FGF10: variants seen among roughly 807,000 people sequenced by gnomAD.
FGF10 encodes fibroblast growth factor 10, also known as FGF-10.
A neutral mutation model predicts 19.8 loss-of-function variants in FGF10; 2 were observed. The observed-to-expected ratio is 0.10, with a 90% CI of 0.04 to 0.32. The LOEUF (loss-of-function observed/expected upper bound fraction) is 0.32. Among genes scored for constraint, FGF10 ranks in the 10% least tolerant of loss-of-function variants. The pLI is 1.00. For missense variants in FGF10, 191 were observed against 246.3 expected, an observed-to-expected ratio of 0.78 and a Z score of 1.50; for synonymous variants, 112 against 94.0, an observed-to-expected ratio of 1.19 and a Z score of -1.10.
chr5:44,352,391 A>C (rs1741255764), intron 1 of FGF10, among the ~76,000 whole-genome samples: 1 of 151,584 alleles, frequency 6.6e-6, no homozygotes, highest in South Asian at 2.1e-4. Flanking sequence ...GACCCTTACC[A>C]GGGCCAGGGT....
Position 44,388,593 on chromosome 5 carries a change from C to A in FGF10, c.90G>T (p.Val30=). The A allele has an allele frequency of 6.2e-7, 1 of 1,614,076 alleles. No homozygotes were observed. The highest frequency in any genetic ancestry group is 8.5e-7 in the Non-Finnish European group (1 of 1,180,026). ...CCCCFLLLFL[V]SSVPVTCQAL... is the part of the protein sequence containing the mutation. ...CTTGGCAGGTGACAGGGACGGAAGA[C>A]ACCAAGAACAGCAACAAAAAGCAGC... The change falls in exon 1 of 3, where the codon GTG becomes GTT. Residue 30 remains valine, a synonymous_variant. Coordinates refer to ENST00000264664, the MANE Select transcript of FGF10 (RefSeq NM_004465.2).
chr5:44,333,543 A>T (rs987794660), intron 1 of FGF10, among the ~76,000 whole-genome samples: 3 of 152,186 alleles, frequency 2.0e-5, no homozygotes, highest in Admixed American at 6.5e-5. Context: ...TGCTAAGCAA[A>T]CATCGGCCAT....
At chr5:44,352,120 G>A (rs1170883819) in intron 1 of FGF10, among the ~76,000 whole-genome samples, 1 of 151,602 alleles carries the variant, frequency 6.6e-6, no homozygotes, top group Non-Finnish European at 1.5e-5. Context: ...ATTTGGGGAT[G>A]CACTGCATGG....
intron 1 of FGF10, among the ~76,000 whole-genome samples, chr5:44,346,783 A>C (rs1192924705): frequency 2.6e-5 from 4 of 151,958 alleles, no homozygotes; most frequent in Non-Finnish European, 5.9e-5. Context: ...CCAATATGTG[A>C]GTGTTGAGCA....
chr5:44,333,109 C>A (rs979762948), intron 1 of FGF10, among the ~76,000 whole-genome samples: 37 of 151,866 alleles, frequency 2.4e-4, no homozygotes, highest in African/African-American at 8.9e-4. Flanking sequence ...CTGACCCCCC[C>A]CAAAAAAATT....
At chr5:44,317,735 A>C (rs546603793) in intron 1 of FGF10, among the ~76,000 whole-genome samples, 1 of 151,974 alleles carries the variant, frequency 6.6e-6, no homozygotes, top group Non-Finnish European at 1.5e-5. Context: ...TTTTTTTTCT[A>C]ATTTTTTCCT....
intron 1 of FGF10, among the ~76,000 whole-genome samples, chr5:44,364,939 A>G (rs888072641): frequency 6.6e-6 from 1 of 151,958 alleles, no homozygotes; most frequent in African/African-American, 2.4e-5. Flanking sequence ...CTGAGGAGAA[A>G]CCAAGGCAAA....
chr5:44,312,151 G>GT (rs1412732473), intron 1 of FGF10, among the ~76,000 whole-genome samples: 3 of 151,774 alleles, frequency 2.0e-5, no homozygotes, highest in South Asian at 2.1e-4. Flanking sequence ...CATTATTTGT[G>GT]TTTTTTTACA....
At chr5:44,315,993 C>A (rs988829140) in intron 1 of FGF10, among the ~76,000 whole-genome samples, 5 of 152,170 alleles carry the variant, frequency 3.3e-5, no homozygotes, top group Admixed American at 2.6e-4. Flanking sequence ...CAGCGGGAGG[C>A]AAGCCATAGG....
chr5:44,349,451 T>TC (rs1330824805), intron 1 of FGF10, among the ~76,000 whole-genome samples: 9 of 16,704 alleles, frequency 5.4e-4, no homozygotes, highest in South Asian at 4.1e-3. Flanking sequence ...TATATATATA[T>TC]ATATATATAT....
intron 1 of FGF10, among the ~76,000 whole-genome samples, chr5:44,365,145 C>G (rs143935307): frequency 2.2e-4 from 33 of 151,722 alleles, no homozygotes; most frequent in Admixed American, 2.2e-3. Flanking sequence ...TTGAAGTGAC[C>G]TAAATGACCT....
intron 1 of FGF10, among the ~76,000 whole-genome samples, chr5:44,376,490 CA>C (rs764913349): frequency 0.021 from 731 of 34,388 alleles, 3 homozygotes; most frequent in Middle Eastern, 0.054. Flanking sequence ...ATACAAATGC[CA>C]AAAAAAAAAA....
intron 1 of FGF10, among the ~76,000 whole-genome samples, chr5:44,317,676 G>C (rs1163317863): frequency 6.6e-6 from 1 of 151,986 alleles, no homozygotes; most frequent in Admixed American, 6.6e-5. Flanking sequence ...CCATCTAATA[G>C]GTTTCTTCAC....
intron 1 of FGF10, among the ~76,000 whole-genome samples, chr5:44,370,438 G>T (rs1210781393): frequency 1.3e-5 from 2 of 152,076 alleles, no homozygotes; most frequent in Non-Finnish European, 2.9e-5. Context: ...TGCTCTTTGT[G>T]CTCAAGGTAA....
At chr5:44,384,767 C>T (rs750775825) in intron 1 of FGF10, among the ~76,000 whole-genome samples, 3 of 152,118 alleles carry the variant, frequency 2.0e-5, no homozygotes, top group Non-Finnish European at 4.4e-5. Flanking sequence ...AAAGCCTATA[C>T]TACATACTCT....
At chr5:44,312,371 G>A (rs540379771) in intron 1 of FGF10, among the ~76,000 whole-genome samples, 1 of 152,160 alleles carries the variant, frequency 6.6e-6, no homozygotes, top group South Asian at 2.1e-4. Context: ...ATAAAGGTCG[G>A]TAATAATGGA....
chr5:44,325,033 G>A (rs575361451), intron 1 of FGF10, among the ~76,000 whole-genome samples: 10 of 152,158 alleles, frequency 6.6e-5, no homozygotes, highest in Non-Finnish European at 1.3e-4. Context: ...TCTTATAAAT[G>A]ATATCCAAAT....
intron 2 of FGF10, among the ~76,000 whole-genome samples, chr5:44,307,739 C>T (rs762337744): frequency 6.6e-6 from 1 of 152,148 alleles, no homozygotes; most frequent in Non-Finnish European, 1.5e-5. Flanking sequence ...TAGATATGCA[C>T]TTATAAATTT....
At chr5:44,351,888 TG>T (rs1284403907) in intron 1 of FGF10, among the ~76,000 whole-genome samples, 3 of 151,700 alleles carry the variant, frequency 2.0e-5, no homozygotes, top group Non-Finnish European at 4.4e-5. Context: ...AAATATTTAC[TG>T]ATTTATATCT....
Sources: allele counts gnomAD v4.1 joint callset (sites outside exome capture counted in the v4.1 genomes callset), GRCh38; gene constraint gnomAD v4.1.1; transcripts MANE v1.5; gene names NCBI Gene and HGNC (gene_info 2026-07-23, HGNC 2026-07-21).